Variants in PVR observed in about 807,000 individuals in gnomAD.
PVR encodes the protein PVR cell adhesion molecule.
PVR carries 39 observed loss-of-function variants against 43.3 expected under a neutral mutation model. The ratio of observed to expected loss-of-function variants is 0.90; its 90% CI spans 0.70 to 1.18. The LOEUF (loss-of-function observed/expected upper bound fraction) is 1.18. PVR is among the 50% of genes most tolerant of loss of function. The probability of loss-of-function intolerance (pLI) is 0.00; values close to 1 mark genes in which losing one functional copy is unlikely to be tolerated. For synonymous variants in PVR, 224 were observed against 233.2 expected (o/e 0.96, Z 0.36); for missense variants, 480 against 549.7 (o/e 0.87, Z 1.27).
chr19:44,644,283 C>G (rs1453574615), intron 1 of PVR, 108 bp downstream of exon 1: 19 of 764,514 alleles, frequency 2.5e-5, no homozygotes, highest in Non-Finnish European at 3.5e-5. Context: ...CCGCCCGGCG[C>G]CACCCACCCC....
intron 4 of PVR, 80 bp downstream of exon 4, chr19:44,654,097 T>A: frequency 8.6e-7 from 1 of 1,158,436 alleles, no homozygotes; most frequent in Non-Finnish European, 1.2e-6. Context: ...GGGCCTGGAC[T>A]CCTGGGACTG....
rs1973603702 is a variant in PVR, at chr19:44,661,967, A to C, written c.*156A>C. Reference sequence around the variant, plus strand: ...ACGACGGGGGCAGGTGCAAGTTCATAGGTCTCCAAGACCACCCTCCTTTCA... The same window carrying C: ...ACGACGGGGGCAGGTGCAAGTTCATCGGTCTCCAAGACCACCCTCCTTTCA... On this transcript the variant is annotated 3_prime_UTR_variant, in exon 8 of 8. Transcript: ENST00000425690. 3.1e-6 allele frequency: 2 copies of C among 645,784 alleles called. No homozygotes were observed. Among genetic ancestry groups the C allele is most frequent in the Non-Finnish European group, 5.4e-6 (2 of 370,812 alleles). The allele number at this position is 645,784 out of a possible 1,614,324, so 40.0% of individuals were successfully genotyped here.
chr19:44,654,127 C>A, intron 4 of PVR, 110 bp downstream of exon 4: 1 of 853,734 alleles, frequency 1.2e-6, no homozygotes. Flanking sequence ...GGGCTGGGGG[C>A]CCGGACCCCT....
At chr19:44,653,565 A>C (rs1279654868) in intron 3 of PVR, 1 of 208,212 alleles carries the variant, frequency 4.8e-6, no homozygotes, top group Non-Finnish European at 9.9e-6. Flanking sequence ...CCTTGAATAC[A>C]CTGCTGTGTG....
intron 1 of PVR, 127 bp from the exon 2 acceptor site, chr19:44,647,096 C>A: frequency 1.8e-6 from 1 of 571,256 alleles, no homozygotes; most frequent in East Asian, 3.6e-5. Context: ...CCCCACACCC[C>A]ACGGTCCACC....
Position 44,649,921 on chromosome 19 carries a change from C to T in PVR, c.540C>T (p.His180=), listed in dbSNP as rs1171343417. 1.2e-6 allele frequency: 2 copies of T among 1,613,444 alleles called. No individual in the cohort carries two copies. Among genetic ancestry groups the T allele is most frequent in the Non-Finnish European group, 1.7e-6 (2 of 1,179,656 alleles). The change falls in exon 3 of 8, where the codon CAC becomes CAT. Residue 180 remains histidine, a synonymous_variant. Transcript: ENST00000425690. ...GGRPPAQITW[H]SDLGGMPNTS... ...GCCCGCCAGCCCAAATCACCTGGCA[C>T]TCAGACCTGGGCGGGATGCCCAATA...
intron 2 of PVR, among the ~76,000 whole-genome samples, chr19:44,648,071 C>T (rs1310048632): frequency 6.6e-6 from 1 of 152,180 alleles, no homozygotes; most frequent in Non-Finnish European, 1.5e-5. Context: ...TGGGCCCCAG[C>T]ACTTTCCACC....
rs1355452788 is a variant in PVR, at chr19:44,657,064, G to C, written c.843-698G>C. 2.0e-5 allele frequency among the ~76,000 whole-genome samples: 3 copies of C among 152,282 alleles called. No homozygotes were observed. The South Asian group carries it at 6.2e-4, about 32-fold the overall frequency. ...GGGTGGCCAAGTGAGGTGTTACTAA[G>C]GTGACATCCCAGCAGAGGCCTGAAG... On this transcript the variant is annotated intron_variant, in intron 4 of 7. Coordinates refer to ENST00000425690, the MANE Select transcript of PVR (RefSeq NM_006505.5).
intron 1 of PVR, among the ~76,000 whole-genome samples, chr19:44,646,670 G>GCTGAGGCAGGAGAAC (rs1235006354): frequency 6.6e-6 from 1 of 152,174 alleles, no homozygotes; most frequent in Non-Finnish European, 1.5e-5. Context: ...TACGCGGAAA[G>GCTGAGGCAGGAGAAC]CTGAGGCAGG....
At chr19:44,646,689 T>C (rs1973123151) in intron 1 of PVR, among the ~76,000 whole-genome samples, 1 of 152,056 alleles carries the variant, frequency 6.6e-6, no homozygotes, top group Non-Finnish European at 1.5e-5. Flanking sequence ...GGAGAACCGC[T>C]TGAACCCCAG....
chr19:44,643,961 C>G lies in PVR; in HGVS notation c.-136C>G, dbSNP rs917421047. On this transcript the variant is annotated 5_prime_UTR_variant, in exon 1 of 8. Coordinates refer to ENST00000425690, the MANE Select transcript of PVR (RefSeq NM_006505.5). ...TGGGTATTCCCCTTCCCACCCCAGG[C>G]ACTGGAGGAGCGGCCCCCCGGGGAT... is the stretch of plus-strand genomic sequence containing the variant. The G allele has an allele frequency of 2.7e-5, 17 of 623,522 alleles. No individual in the cohort carries two copies. The highest frequency in any genetic ancestry group is 4.5e-5 in the Non-Finnish European group (17 of 377,302). The allele number at this position is 623,522 out of a possible 1,614,324, so 38.6% of individuals were successfully genotyped here.
chr19:44,647,315 G>A lies in PVR; in HGVS notation c.172G>A (p.Val58Met). 2 of 1,608,630 alleles carry A rather than the reference G, an allele frequency of 1.2e-6. No homozygotes were observed. The highest frequency in any genetic ancestry group is 3.3e-4 in the Middle Eastern group (2 of 6,054). Reference sequence around the variant, plus strand: ...CTACCTACAGGTGCCCAACATGGAGGTGACGCATGTGTCACAGCTGACTTG... The same window carrying A: ...CTACCTACAGGTGCCCAACATGGAGATGACGCATGTGTCACAGCTGACTTG... ...PCYLQVPNME[V>M]THVSQLTWAR... Residue 58 changes from valine (V) to methionine (M), a missense_variant, in exon 2 of 8, where the codon GTG becomes ATG. Val to Met is a conservative substitution (Grantham distance 21). Coordinates refer to ENST00000425690, the MANE Select transcript of PVR (RefSeq NM_006505.5).
chr19:44,658,748 C>T lies in PVR; in HGVS notation c.998C>T (p.Pro333Leu), dbSNP rs1234362044. 5 of 1,606,294 alleles carry T rather than the reference C, an allele frequency of 3.1e-6. No homozygotes were observed. The highest frequency in any genetic ancestry group is 3.4e-6 in the Non-Finnish European group (4 of 1,173,760). Reference sequence around the variant, plus strand: ...CTGTTTCCTTCTCTTTCAGAGGGACCTCCCAGTGAGCACTCAGGCATGTCC... The same window carrying T: ...CTGTTTCCTTCTCTTTCAGAGGGACTTCCCAGTGAGCACTCAGGCATGTCC... ...AELTVQVKEG[P>L]PSEHSGMSRN... is the part of the protein sequence containing the mutation. The change falls in exon 6 of 8, where the codon CCT becomes CTT. Residue 333 changes from proline (P) to leucine (L), a missense_variant. Pro to Leu is a moderately conservative substitution (Grantham distance 98). Coordinates refer to ENST00000425690, the MANE Select transcript of PVR (RefSeq NM_006505.5).
In PVR at chr19:44,657,614, A is replaced by G. The variant is rs563431572; in HGVS notation, c.843-148A>G. The G allele has an allele frequency of 2.0e-3, 1,359 of 693,972 alleles. 17 individuals are homozygous for G. In the African/African-American group the frequency reaches 0.023, roughly 12 times the overall value. The allele number at this position is 693,972 out of a possible 1,614,324, so 43.0% of individuals were successfully genotyped here. ...CTAATGGGTTGGGTGTGGGCATGAG[A>G]GGAAGGGAAGAGTTGGGGGGCCTCC... On this transcript the variant is annotated intron_variant, in intron 4 of 7. Coordinates refer to ENST00000425690, the MANE Select transcript of PVR (RefSeq NM_006505.5).
intron 3 of PVR, chr19:44,653,680 A>G: frequency 2.0e-6 from 1 of 503,848 alleles, no homozygotes; most frequent in South Asian, 3.4e-5. Context: ...AGTGGAGAAA[A>G]GCAGCTCCTC....
Position 44,644,118 on chromosome 19 carries a change from G to T in PVR, c.22G>T (p.Ala8Ser), listed in dbSNP as rs1427162714. The T allele has an allele frequency of 2.0e-6, 3 of 1,518,556 alleles. No homozygotes were observed. The African/African-American group carries it at 4.3e-5, about 22-fold the overall frequency. 94.1% of individuals were successfully genotyped at this position (1,518,556 alleles called of 1,614,324 possible). MARAMAAAWPLLLVALLV... is the reference protein window; with the variant it reads MARAMAASWPLLLVALLV... Reference sequence around the variant, plus strand: ...TGGCATGGCCCGAGCCATGGCCGCCGCGTGGCCGCTGCTGCTGGTGGCGCT... The same window carrying T: ...TGGCATGGCCCGAGCCATGGCCGCCTCGTGGCCGCTGCTGCTGGTGGCGCT... The change falls in exon 1 of 8, where the codon GCG becomes TCG. Residue 8 changes from alanine (A) to serine (S), a missense_variant. Transcript: ENST00000425690.
intron 4 of PVR, among the ~76,000 whole-genome samples, chr19:44,656,076 T>A (rs181363600): frequency 1.6e-4 from 24 of 149,636 alleles, no homozygotes; most frequent in African/African-American, 5.6e-4. Context: ...TCCACCACTT[T>A]AAAAAAAAAA....
intron 4 of PVR, among the ~76,000 whole-genome samples, chr19:44,656,186 A>G (rs534637696): frequency 6.6e-6 from 1 of 152,304 alleles, no homozygotes. Flanking sequence ...AGGGCAGGGA[A>G]GGGATTCCAA....
intron 2 of PVR, among the ~76,000 whole-genome samples, chr19:44,649,250 C>A (rs959883443): frequency 6.6e-6 from 1 of 152,114 alleles, no homozygotes; most frequent in East Asian, 1.9e-4. Flanking sequence ...TTCCACCAAA[C>A]AATATTTATT....
Sources: gnomAD v4.1 joint callset for allele counts (sites outside exome capture counted in the v4.1 genomes callset) on GRCh38, gnomAD v4.1.1 for gene constraint, MANE v1.5 for transcripts, NCBI Gene and HGNC (gene_info 2026-07-23, HGNC 2026-07-21) for gene names.